SLC24A1: variants seen among roughly 807,000 people sequenced by gnomAD.
SLC24A1 encodes the protein solute carrier family 24 member 1, also known as sodium/potassium/calcium exchanger 1.
SLC24A1 carries 52 observed loss-of-function variants against 88.1 expected under a neutral mutation model. That is an observed-to-expected ratio of 0.59 (90% CI 0.47 to 0.74). The LOEUF (loss-of-function observed/expected upper bound fraction) is 0.74, where lower values mean the gene tolerates loss of function less well. Among genes scored for constraint, SLC24A1 ranks in the 30% least tolerant of loss-of-function variants. SLC24A1 has a pLI of 0.00. For missense variants in SLC24A1, 1,173 were observed against 1,363.3 expected, an observed-to-expected ratio of 0.86 and a Z score of 2.20; for synonymous variants, 455 against 498.0, an observed-to-expected ratio of 0.91 and a Z score of 1.15.
upstream of SLC24A1, among the ~76,000 whole-genome samples, chr15:65,619,737 C>A (rs1394199386): frequency 6.6e-6 from 1 of 152,138 alleles, no homozygotes; most frequent in East Asian, 1.9e-4. Context: ...AGGCCTAGAG[C>A]TTTGGAGGGC....
At chr15:65,619,915 T>C (rs1200151064), upstream of SLC24A1, among the ~76,000 whole-genome samples, 1 of 152,050 alleles carries the variant, frequency 6.6e-6, no homozygotes, top group African/African-American at 2.4e-5. Flanking sequence ...ATCAGCTTCC[T>C]CTTCTCAGTG....
chr15:65,660,941 G>C (rs1458815038), downstream of SLC24A1: 1 of 152,052 alleles, frequency 6.6e-6, no homozygotes, highest in East Asian at 1.9e-4. Context: ...ATAATCACTT[G>C]TCTGCATATT....
chr15:65,650,435 A>G lies in SLC24A1; in HGVS notation c.2286A>G (p.Glu762=). ...STGEMPGEEG[E]TAGEGETEEK... The stretch of plus-strand genomic sequence containing the variant: ...GTGAAATGCCAGGCGAAGAGGGCGA[A>G]ACTGCTGGTGAAGGTGAAACTGAAG... The change falls in exon 7 of 10, where the codon GAA becomes GAG. Residue 762 remains glutamate (E), a synonymous_variant. Transcript: ENST00000261892. This position sits in a 1 kb window ranked among gnomAD's most constrained non-coding sequence, Gnocchi z 4.1. 1.3e-6 allele frequency: 2 copies of G among 1,551,774 alleles called. No homozygotes were observed. The highest frequency in any genetic ancestry group is 1.7e-6 in the Non-Finnish European group (2 of 1,147,018).
intron 4 of SLC24A1, among the ~76,000 whole-genome samples, chr15:65,641,227 G>C (rs1023184425): frequency 1.3e-5 from 2 of 152,050 alleles, no homozygotes; most frequent in African/African-American, 4.8e-5. Flanking sequence ...ACAAAAATTG[G>C]CACACACCTG....
intron 2 of SLC24A1, among the ~76,000 whole-genome samples, chr15:65,633,339 G>C (rs2074796388): frequency 6.6e-6 from 1 of 152,098 alleles, no homozygotes; most frequent in African/African-American, 2.4e-5. Flanking sequence ...TATATTTCAG[G>C]CATATCAGGT....
Position 65,625,523 on chromosome 15 carries a change from G to C in SLC24A1, c.1443G>C (p.Leu481=), listed in dbSNP as rs767972985. Residue 481 remains leucine (L), a synonymous_variant, in exon 2 of 10, where the codon CTG becomes CTC. Transcript: ENST00000261892. ...IVCDEYFVPA[L]GVITDKLQIS... ...GCGACGAGTACTTCGTTCCAGCCCTGGGTGTCATCACAGACAAGCTGCAGA... is the reference window on the plus strand; with the variant it reads ...GCGACGAGTACTTCGTTCCAGCCCTCGGTGTCATCACAGACAAGCTGCAGA... 4 of 1,614,048 alleles carry C rather than the reference G, an allele frequency of 2.5e-6. No individual in the cohort carries two copies. In the South Asian group the frequency reaches 3.3e-5, roughly 13 times the overall value.
chr15:65,653,113 G>A (rs1291225447), intron 9 of SLC24A1, among the ~76,000 whole-genome samples: 1 of 152,188 alleles, frequency 6.6e-6, no homozygotes, highest in East Asian at 1.9e-4. Flanking sequence ...AGGCGGTGGA[G>A]GTAGGATTGG....
Position 65,625,955 on chromosome 15 carries a change from A to G in SLC24A1, c.1875A>G (p.Leu625=). 6.2e-7 allele frequency: 1 copy of G among 1,612,798 alleles called. No homozygotes were observed. The highest frequency in any genetic ancestry group is 2.2e-5 in the East Asian group (1 of 44,892). Residue 625 remains leucine, a synonymous_variant, in exon 2 of 10, where the codon TTA becomes TTG. Coordinates refer to ENST00000261892, the MANE Select transcript of SLC24A1 (RefSeq NM_004727.3). ...SRRPVAKVMA[L]EDLSKPGDGA... is the part of the protein sequence containing the mutation. The stretch of plus-strand genomic sequence containing the variant: ...GGCCAGTGGCCAAGGTCATGGCCTT[A>G]GAAGACCTCAGCAAGGTAAGGACAA...
downstream of SLC24A1, chr15:65,660,229 CCAA>C: frequency 6.9e-7 from 1 of 1,452,174 alleles, no homozygotes; most frequent in South Asian, 1.2e-5. Context: ...AAGTTCAGCC[CCAA>C]ACTAACTGAA....
chr15:65,618,347 A>G (rs1426319820), upstream of SLC24A1, among the ~76,000 whole-genome samples: 1 of 152,162 alleles, frequency 6.6e-6, no homozygotes, highest in Non-Finnish European at 1.5e-5. Context: ...TTATTGATTT[A>G]TTAATATATC....
Position 65,638,112 on chromosome 15 carries a change from C to T in SLC24A1, c.1891-16C>T. On this transcript the variant is annotated splice_polypyrimidine_tract_variant and intron_variant, in intron 2 of 9. Coordinates refer to ENST00000261892, the MANE Select transcript of SLC24A1 (RefSeq NM_004727.3). ...GTCTCGCCACAACATCTCGTGACTCCTCTCCCTGTTTGCAGCCGGGCGATG... is the reference window on the plus strand; with the variant it reads ...GTCTCGCCACAACATCTCGTGACTCTTCTCCCTGTTTGCAGCCGGGCGATG... 3 of 1,600,398 alleles carry T rather than the reference C, an allele frequency of 1.9e-6. No homozygotes were observed. Among genetic ancestry groups the T allele is most frequent in the Non-Finnish European group, 2.6e-6 (3 of 1,170,970 alleles).
At chr15:65,613,075 G>C (rs908548671) in intron 2 of SLC24A1, among the ~76,000 whole-genome samples, 6 of 152,196 alleles carry the variant, frequency 3.9e-5, no homozygotes, top group African/African-American at 1.4e-4. Context: ...TTTAAAGGGG[G>C]TGTCTTTCAA....
chr15:65,653,720 A>G, intron 9 of SLC24A1, 110 bp from the exon 10 acceptor site: 1 of 1,105,318 alleles, frequency 9.0e-7, no homozygotes, highest in South Asian at 1.5e-5. Context: ...TGTTCACTTC[A>G]TAGATATTTT....
At chr15:65,641,049 A>T (rs1260652683) in intron 4 of SLC24A1, among the ~76,000 whole-genome samples, 1 of 151,496 alleles carries the variant, frequency 6.6e-6, no homozygotes, top group Non-Finnish European at 1.5e-5. Context: ...CTGCAGAGTG[A>T]GACTCCACCT....
At chr15:65,649,548 G>T (rs940631890) in intron 6 of SLC24A1, among the ~76,000 whole-genome samples, 4 of 151,020 alleles carry the variant, frequency 2.6e-5, no homozygotes, top group Non-Finnish European at 5.9e-5. Context: ...TATAAACCAC[G>T]TGGACCATGG....
intron 1 of SLC24A1, 98 bp downstream of exon 1, chr15:65,622,190 T>C (rs1297505800): frequency 1.3e-5 from 2 of 152,192 alleles, no homozygotes; most frequent in Admixed American, 1.3e-4. Context: ...CCTCTGAAAT[T>C]TCTGCTGGGG....
At position 65,641,424 on chromosome 15, in the gene SLC24A1, CA is replaced by C. The variant is rs563076062; in HGVS notation, c.2053+1723del. 2.1e-3 allele frequency among the ~76,000 whole-genome samples: 312 copies of C among 151,800 alleles called. 1 individual carries two copies. The highest frequency in any genetic ancestry group is 3.4e-3 in the Non-Finnish European group (233 of 67,950). ...ATACTGTGAAAAGCTGCATCAAAGA[CA>C]AGTGATGAAACCTTCCTTAGGAATT... On this transcript the variant is annotated intron_variant, in intron 4 of 9. Transcript: ENST00000261892.
downstream of SLC24A1, among the ~76,000 whole-genome samples, chr15:65,656,894 G>A (rs1467828906): frequency 1.3e-5 from 2 of 152,100 alleles, no homozygotes; most frequent in East Asian, 1.9e-4. Flanking sequence ...AAAAAGAGAC[G>A]GGGCCTTGCC....
chr15:65,652,672 A>G lies in SLC24A1; in HGVS notation c.2914A>G (p.Ile972Val). 1 of 1,613,976 alleles carries G rather than the reference A, an allele frequency of 6.2e-7. No homozygotes were observed. The highest frequency in any genetic ancestry group is 8.5e-7 in the Non-Finnish European group (1 of 1,179,886). Reference protein sequence around the residue: ...VGETIGISEEIMGLTILAAGT... With the variant: ...VGETIGISEEVMGLTILAAGT... The stretch of plus-strand genomic sequence containing the variant: ...TGAAACAATAGGGATTTCTGAAGAG[A>G]TCATGGGCCTGACAATCCTTGCAGC... Residue 972 changes from isoleucine (I) to valine (V), a missense_variant, in exon 9 of 10, where the codon ATC becomes GTC. By Grantham distance (29) the Ile-to-Val change is conservative (BLOSUM62 3). Coordinates refer to ENST00000261892, the MANE Select transcript of SLC24A1 (RefSeq NM_004727.3).
Sources: allele counts gnomAD v4.1 joint callset (sites outside exome capture counted in the v4.1 genomes callset), GRCh38; gene constraint gnomAD v4.1.1; non-coding constraint Gnocchi (gnomAD v3.1); transcripts MANE v1.5; gene names NCBI Gene and HGNC (gene_info 2026-07-23, HGNC 2026-07-21).